The following UTRN variants were observed in gnomAD, a reference collection of about 807,000 sequenced individuals.
UTRN encodes dystrophin-related protein 1.
A neutral mutation model predicts 463.9 loss-of-function variants in UTRN; 283 were observed. The ratio of observed to expected loss-of-function variants is 0.61; its 90% CI spans 0.55 to 0.67. The LOEUF (loss-of-function observed/expected upper bound fraction) is 0.67. Ranked by LOEUF, UTRN falls within the 30% of genes least tolerant of loss-of-function variation. UTRN has a pLI of 0.00. For missense variants in UTRN, 3,922 were observed against 4,084.3 expected (o/e 0.96, Z 1.08); for synonymous variants, 1,442 against 1,431.5 (o/e 1.01, Z -0.17).
Position 144,797,923 on chromosome 6 carries a change from G to A in UTRN, c.9178G>A (p.Ala3060Thr), listed in dbSNP as rs866399737. The A allele has an allele frequency of 2.5e-6, 4 of 1,614,078 alleles. No homozygotes were observed. The African/African-American group carries it at 5.3e-5, about 22-fold the overall frequency. The change falls in exon 64 of 75, where the codon GCA (alanine) becomes ACA (threonine). Residue 3060 changes from alanine to threonine, a missense_variant. Ala to Thr is a moderately conservative substitution (Grantham distance 58). Transcript: ENST00000367545. The part of the protein sequence containing the change: ...VWLPVLHRVA[A>T]AETAKHQAKC... ...GCTCCCAGTTTTACATCGAGTGGCA[G>A]CAGCGGAGACTGCAAAACATCAGGC...
intron 51 of UTRN, among the ~76,000 whole-genome samples, chr6:144,626,830 G>A (rs1775992282): frequency 6.6e-6 from 1 of 152,088 alleles, no homozygotes; most frequent in African/African-American, 2.4e-5. Context: ...AGTAGAGATG[G>A]CGTTTCACCG....
In UTRN at chr6:144,782,061, C is replaced by A; in HGVS notation, c.8772C>A (p.Asp2924Glu). The change falls in exon 61 of 75, where the codon GAC (aspartate) becomes GAA (glutamate). Residue 2924 changes from aspartate (D) to glutamate (E), a missense_variant. Around this residue, in one of 3 missense-constraint regions of UTRN, gnomAD observed 1,309 missense variants for 1,452.6 expected, o/e 0.90. Coordinates refer to ENST00000367545, the MANE Select transcript of UTRN (RefSeq NM_007124.3). ...TYDGLEQMHK[D>E]LVNVPLCVDM... ...ATGGACTTGAGCAAATGCATAAGGA[C>A]CTGGTCAACGTTCCACTCTGTGTTG... The A allele has an allele frequency of 6.2e-7, 1 of 1,614,018 alleles. No individual in the cohort carries two copies. Among genetic ancestry groups the A allele is most frequent in the Non-Finnish European group, 8.5e-7 (1 of 1,179,954 alleles).
chr6:144,522,821 G>A (rs1279967570), intron 40 of UTRN, among the ~76,000 whole-genome samples, 195 bp from the exon 41 acceptor site: 1 of 151,226 alleles, frequency 6.6e-6, no homozygotes, highest in Non-Finnish European at 1.5e-5. Flanking sequence ...AGTATATTAT[G>A]TAGCATATTC....
At position 144,408,102 on chromosome 6, in the gene UTRN, G is replaced by A. The variant is rs1783574460; in HGVS notation, c.141+4918G>A. ...AAATATTGAGGCATTGCTGAGAAGTGTATAGGAGATGATAATTACTTAGGA... is the reference window on the plus strand; with the variant it reads ...AAATATTGAGGCATTGCTGAGAAGTATATAGGAGATGATAATTACTTAGGA... On this transcript the variant is annotated intron_variant, in intron 3 of 74. Coordinates refer to ENST00000367545, the MANE Select transcript of UTRN (RefSeq NM_007124.3). Among the ~76,000 whole-genome samples, 4 of 152,270 alleles carry A rather than the reference G, an allele frequency of 2.6e-5. No individual in the cohort carries two copies. In the South Asian group the frequency reaches 8.3e-4, roughly 32 times the overall value.
chr6:144,420,526 G>T (rs1357765501), intron 3 of UTRN, among the ~76,000 whole-genome samples: 1 of 152,204 alleles, frequency 6.6e-6, no homozygotes, highest in East Asian at 1.9e-4. Context: ...AATGGAGTGG[G>T]ATTTTCTGGC....
chr6:144,312,533 A>C (rs1775008327), intron 2 of UTRN, among the ~76,000 whole-genome samples: 1 of 152,176 alleles, frequency 6.6e-6, no homozygotes, highest in African/African-American at 2.4e-5. Flanking sequence ...CAGTCTTTTA[A>C]AATAAGCATG....
chr6:144,730,263 G>T, intron 53 of UTRN, 94 bp from the exon 54 acceptor site: 3 of 1,295,040 alleles, frequency 2.3e-6, no homozygotes, highest in Non-Finnish European at 2.0e-6. Flanking sequence ...TCATTTTCTT[G>T]CTAAGTGTGG....
intron 2 of UTRN, among the ~76,000 whole-genome samples, chr6:144,396,125 A>G (rs1265059080): frequency 2.0e-5 from 3 of 152,212 alleles, no homozygotes; most frequent in African/African-American, 7.2e-5. Flanking sequence ...GTGGTCAACT[A>G]GTGCTCATCT....
intron 2 of UTRN, among the ~76,000 whole-genome samples, chr6:144,371,040 T>C (rs1177372832): frequency 6.6e-6 from 1 of 152,172 alleles, no homozygotes; most frequent in Non-Finnish European, 1.5e-5. Flanking sequence ...CTGTCCCCAG[T>C]CCCCTGACTC....
chr6:144,850,869 G>A (rs1782434618), intron 74 of UTRN, 120 bp from the exon 75 acceptor site: 1 of 1,392,228 alleles, frequency 7.2e-7, no homozygotes, highest in Non-Finnish European at 1.0e-6. Context: ...GGAAGCAAAA[G>A]TCACAGTAGA....
chr6:144,504,198 ACTT>A (rs949451134), intron 34 of UTRN, among the ~76,000 whole-genome samples: 1 of 152,134 alleles, frequency 6.6e-6, no homozygotes, highest in South Asian at 2.1e-4. Flanking sequence ...AGACAATTTG[ACTT>A]CTTCTCTTCC....
intron 2 of UTRN, among the ~76,000 whole-genome samples, chr6:144,312,281 C>T (rs901152193): frequency 2.6e-5 from 4 of 151,994 alleles, no homozygotes; most frequent in Non-Finnish European, 5.9e-5. Flanking sequence ...AAAAATTAGC[C>T]GGCCTGATGG....
chr6:144,317,445 G>A (rs776147018), intron 2 of UTRN, among the ~76,000 whole-genome samples: 5 of 151,536 alleles, frequency 3.3e-5, no homozygotes, highest in Admixed American at 1.3e-4. Flanking sequence ...TGCTCTTTTC[G>A]GAGTGCAGTG....
intron 2 of UTRN, among the ~76,000 whole-genome samples, chr6:144,369,094 A>G (rs1454115375): frequency 6.6e-6 from 1 of 152,264 alleles, no homozygotes; most frequent in South Asian, 2.1e-4. Context: ...TCAAATTCAC[A>G]TATGTGAGGA....
chr6:144,767,466 A>G (rs1203415271), intron 58 of UTRN, among the ~76,000 whole-genome samples: 2 of 152,202 alleles, frequency 1.3e-5, no homozygotes, highest in Non-Finnish European at 2.9e-5. Context: ...TCAAGAGCTT[A>G]GCTTAAAATG....
chr6:144,306,411 GGA>G (rs1294750954), intron 2 of UTRN, among the ~76,000 whole-genome samples: 1 of 151,968 alleles, frequency 6.6e-6, no homozygotes, highest in Non-Finnish European at 1.5e-5. Flanking sequence ...GGAGGAGAGG[GGA>G]GAGTTTAGAA....
chr6:144,630,653 T>C (rs563793314), intron 51 of UTRN, among the ~76,000 whole-genome samples: 28 of 152,190 alleles, frequency 1.8e-4, no homozygotes, highest in Non-Finnish European at 3.7e-4. Flanking sequence ...AGCCAAACCA[T>C]ATCATCCTGA....
chr6:144,568,604 C>A (rs998771258), intron 50 of UTRN, among the ~76,000 whole-genome samples: 2 of 152,176 alleles, frequency 1.3e-5, no homozygotes, highest in Admixed American at 6.6e-5. Flanking sequence ...TGCTTCCCAA[C>A]CTTTTTTGCG....
chr6:144,735,384 C>A (rs1789262644), intron 54 of UTRN, among the ~76,000 whole-genome samples: 1 of 152,132 alleles, frequency 6.6e-6, no homozygotes. Context: ...GAAAGAGCAG[C>A]TGTATTTTGG....
Sources: gnomAD v4.1 joint callset for allele counts (sites outside exome capture counted in the v4.1 genomes callset) on GRCh38, gnomAD v4.1.1 for gene constraint, gnomAD v4.1.1 regional missense constraint, MANE v1.5 for transcripts, NCBI Gene and HGNC (gene_info 2026-07-23, HGNC 2026-07-21) for gene names.